Variants in EXPH5 observed in about 807,000 individuals in gnomAD.
The protein encoded by EXPH5 is exophilin-5.
In EXPH5, 42 loss-of-function variants were observed where a neutral mutation model predicts 41.1. The observed-to-expected ratio is 1.02, with a 90% CI of 0.80 to 1.32. The LOEUF (loss-of-function observed/expected upper bound fraction) is 1.32, where lower values mean the gene tolerates loss of function less well. Ranked by LOEUF, EXPH5 falls within the 40% of genes most tolerant of loss-of-function variation. The probability of loss-of-function intolerance (pLI) is 0.00; values close to 1 mark genes in which losing one functional copy is unlikely to be tolerated. For missense variants in EXPH5, 2,298 were observed against 2,314.5 expected (o/e 0.99, Z 0.15); for synonymous variants, 798 against 833.5 (o/e 0.96, Z 0.73).
At position 108,513,076 on chromosome 11, in the gene EXPH5, G is replaced by A. The variant is rs746356651; in HGVS notation, c.2431C>T (p.Pro811Ser). Reference protein sequence around the residue: ...NRKLGSTASLPFIQEHRTPPS... With the variant: ...NRKLGSTASLSFIQEHRTPPS... ...GGTGTTCTGTGTTCCTGAATGAAAG[G>A]AAGGGAAGCTGTTGAGCCAAGTTTT... Residue 811 changes from proline (P) to serine (S), a missense_variant, in exon 6 of 6, where the codon CCT becomes TCT. Coordinates refer to ENST00000265843, the MANE Select transcript of EXPH5 (RefSeq NM_015065.3). The A allele has an allele frequency of 9.3e-6, 15 of 1,611,756 alleles. No homozygotes were observed. The highest frequency in any genetic ancestry group is 1.2e-5 in the Non-Finnish European group (14 of 1,179,458).
intron 1 of EXPH5, among the ~76,000 whole-genome samples, chr11:108,562,265 G>T (rs1412362560): frequency 1.1e-3 from 113 of 104,582 alleles, no homozygotes; most frequent in African/African-American, 3.1e-3. Flanking sequence ...TTTTTTCTGT[G>T]TTTTTTTTTT....
At chr11:108,516,059 G>A (rs1490932252) in intron 5 of EXPH5, among the ~76,000 whole-genome samples, 28 of 130,850 alleles carry the variant, frequency 2.1e-4, no homozygotes, top group African/African-American at 5.6e-4. Flanking sequence ...GCGAAAGAGC[G>A]AGACTCCGTC....
At chr11:108,584,108 A>G (rs1366231990) in intron 1 of EXPH5, among the ~76,000 whole-genome samples, 1 of 152,246 alleles carries the variant, frequency 6.6e-6, no homozygotes, top group Non-Finnish European at 1.5e-5. Context: ...TTTTAAAAAC[A>G]AAGAATAAAA....
intron 1 of EXPH5, 50 bp downstream of exon 1, chr11:108,593,362 TCCCCGG>T: frequency 6.7e-7 from 1 of 1,502,840 alleles, no homozygotes; most frequent in Non-Finnish European, 9.2e-7. Context: ...TCCCCGCGGA[TCCCCGG>T]CCCCTGCGGG....
chr11:108,562,021 C>A (rs1238967216), intron 1 of EXPH5, among the ~76,000 whole-genome samples: 1 of 152,184 alleles, frequency 6.6e-6, no homozygotes, highest in Non-Finnish European at 1.5e-5. Context: ...ACTGGCCGTG[C>A]AGGGTTGAGG....
At chr11:108,524,151 G>T (rs897701915) in intron 4 of EXPH5, among the ~76,000 whole-genome samples, 1 of 152,170 alleles carries the variant, frequency 6.6e-6, no homozygotes. Context: ...CAGTGTAGTG[G>T]TTAAGCACAT....
the EXPH5 span, among the ~76,000 whole-genome samples, chr11:108,599,033 ACG>A: frequency 7.4e-5 from 11 of 148,726 alleles, no homozygotes; most frequent in Non-Finnish European, 8.9e-5. Context: ...GGAAAAAGAG[ACG>A]GAGAGAGAGA....
At chr11:108,593,884 TCCGGTCA>T, upstream of EXPH5, 1 of 641,978 alleles carries the variant, frequency 1.6e-6, no homozygotes. Flanking sequence ...CCTCGTCCCC[TCCGGTCA>T]CCCTCCCCGC....
chr11:108,544,387 T>C (rs1418433516), intron 1 of EXPH5, among the ~76,000 whole-genome samples: 1 of 152,086 alleles, frequency 6.6e-6, no homozygotes, highest in East Asian at 1.9e-4. Context: ...AGGCTTGCCT[T>C]AAACTCCTGG....
chr11:108,571,012 C>T (rs2136099639), intron 1 of EXPH5, among the ~76,000 whole-genome samples: 1 of 152,162 alleles, frequency 6.6e-6, no homozygotes, highest in South Asian at 2.1e-4. Flanking sequence ...CTCTGGAAGG[C>T]CCAGGACAAG....
chr11:108,522,625 A>G (rs1269394803), intron 4 of EXPH5, among the ~76,000 whole-genome samples: 1 of 152,174 alleles, frequency 6.6e-6, no homozygotes, highest in Non-Finnish European at 1.5e-5. Context: ...CATTCTCTGA[A>G]GCCAAACACA....
At chr11:108,593,815 G>T, upstream of EXPH5, 2 of 1,429,138 alleles carry the variant, frequency 1.4e-6, no homozygotes, top group Non-Finnish European at 1.9e-6. Flanking sequence ...AAGGGGGCGG[G>T]CCCTCCCTTG....
Position 108,518,337 on chromosome 11 carries a change from G to T in EXPH5, c.529C>A (p.Leu177Ile). Reference sequence around the variant, plus strand: ...TTTGGGACAAATGTACTGTCAACTAGATGATTTTCCAGAGGTGAATTGTAT... The same window carrying T: ...TTTGGGACAAATGTACTGTCAACTATATGATTTTCCAGAGGTGAATTGTAT... ...KIYNSPLENH[L>I]VDSTFVPKPA... The change falls in exon 5 of 6, where the codon CTA becomes ATA. Residue 177 changes from leucine to isoleucine, a missense_variant. Physicochemically the swap from Leu to Ile is conservative, Grantham distance 5. Transcript: ENST00000265843. 3 of 1,613,968 alleles carry T rather than the reference G, an allele frequency of 1.9e-6. No individual in the cohort carries two copies. In the South Asian group the frequency reaches 3.3e-5, roughly 18 times the overall value.
intron 1 of EXPH5, among the ~76,000 whole-genome samples, chr11:108,542,517 C>T (rs779295872): frequency 1.9e-4 from 29 of 152,170 alleles, no homozygotes; most frequent in African/African-American, 1.7e-4. Flanking sequence ...AGAATATTCT[C>T]GTTCTGATTA....
rs757430667 is a variant in EXPH5 at position 108,514,213 on chromosome 11, G to A, written c.1294C>T (p.Pro432Ser). Residue 432 changes from proline (P) to serine (S), a missense_variant, in exon 6 of 6, where the codon CCC (proline) becomes TCC (serine). By Grantham distance (74) the Pro-to-Ser change is moderately conservative. Coordinates refer to ENST00000265843, the MANE Select transcript of EXPH5 (RefSeq NM_015065.3). Reference sequence around the variant, plus strand: ...TCGGGACTCATTGCATTCTCCATGGGAGCATTTAAACTAACACGTTGGTAA... The same window carrying A: ...TCGGGACTCATTGCATTCTCCATGGAAGCATTTAAACTAACACGTTGGTAA... ...NVYQRVSLNA[P>S]MENAMSPDTF... The A allele has an allele frequency of 6.2e-7, 1 of 1,614,224 alleles. No homozygotes were observed. The highest frequency in any genetic ancestry group is 1.1e-5 in the South Asian group (1 of 91,084).
the EXPH5 span, among the ~76,000 whole-genome samples, chr11:108,600,543 T>A: frequency 0.012 from 1,866 of 152,314 alleles, 40 homozygotes; most frequent in African/African-American, 0.04. Context: ...AAATAGAATT[T>A]GATAATTTCA....
At chr11:108,537,976 A>G (rs2093889983) in intron 3 of EXPH5, 4 of 985,328 alleles carry the variant, frequency 4.1e-6, no homozygotes, top group Non-Finnish European at 4.8e-6. Context: ...TTTGAAGAGT[A>G]TTTCCTTGCT....
At chr11:108,606,123 G>A in the EXPH5 span, among the ~76,000 whole-genome samples, 8 of 152,240 alleles carry the variant, frequency 5.3e-5, 1 homozygote, top group Middle Eastern at 6.8e-3. Flanking sequence ...CGAACTCCTG[G>A]TTTCAAGCGA....
At chr11:108,571,441 T>C (rs1023157108) in intron 1 of EXPH5, among the ~76,000 whole-genome samples, 1 of 152,170 alleles carries the variant, frequency 6.6e-6, no homozygotes, top group African/African-American at 2.4e-5. Context: ...CAGACTCTCC[T>C]TGATGCACTC....
Sources: allele counts gnomAD v4.1 joint callset (sites outside exome capture counted in the v4.1 genomes callset), GRCh38; gene constraint gnomAD v4.1.1; transcripts MANE v1.5; gene names NCBI Gene and HGNC (gene_info 2026-07-23, HGNC 2026-07-21).